ERCC2: variants seen among roughly 807,000 people sequenced by gnomAD.
The protein encoded by ERCC2 is general transcription and DNA repair factor IIH helicase subunit XPD.
In ERCC2, 90 loss-of-function variants were observed where a neutral mutation model predicts 99.4. The observed-to-expected ratio is 0.91, with a 90% CI of 0.76 to 1.08. The LOEUF (loss-of-function observed/expected upper bound fraction) is 1.08. ERCC2 is among the 50% of genes least tolerant of loss of function. The pLI is 0.00. For missense variants in ERCC2, 993 were observed against 1,038.1 expected (o/e 0.96, Z 0.60); for synonymous variants, 497 against 432.4 (o/e 1.15, Z -1.85).
chr19:45,370,278 C>A, intron 1 of ERCC2, 46 bp from the exon 2 acceptor site: 1 of 1,602,480 alleles, frequency 6.2e-7, no homozygotes, highest in South Asian at 1.1e-5. Flanking sequence ...CTCAGCCCCT[C>A]TCCCGCCTCC....
intron 5 of ERCC2, among the ~76,000 whole-genome samples, chr19:45,367,105 G>A (rs888021906): frequency 6.6e-6 from 1 of 152,138 alleles, no homozygotes; most frequent in Non-Finnish European, 1.5e-5. Flanking sequence ...TTGGGAGGCT[G>A]AGGCGGGAGG....
chr19:45,357,191 G>T, intron 15 of ERCC2, 79 bp downstream of exon 15: 1 of 1,023,194 alleles, frequency 9.8e-7, no homozygotes, highest in Non-Finnish European at 1.5e-6. Flanking sequence ...TGCCTGAGCA[G>T]TGGGGGAAGC....
chr19:45,350,741 C>G lies in ERCC2; in HGVS notation c.*888G>C, dbSNP rs746209909. 9 of 1,610,488 alleles carry G rather than the reference C, an allele frequency of 5.6e-6. No individual in the cohort carries two copies. The highest frequency in any genetic ancestry group is 7.6e-6 in the Non-Finnish European group (9 of 1,178,650). ...CTCCGAGGCGAGGCGGCGGCAGGAG[C>G]AGCCGGGTGAGTGTTGATCAGGTCG... On this transcript the variant is annotated 3_prime_UTR_variant, in exon 23 of 23. Coordinates refer to ENST00000391945, the MANE Select transcript of ERCC2 (RefSeq NM_000400.4).
At chr19:45,355,251 G>C (rs2123239909) in intron 16 of ERCC2, among the ~76,000 whole-genome samples, 1 of 152,360 alleles carries the variant, frequency 6.6e-6, no homozygotes, top group South Asian at 2.1e-4. Context: ...CAGCTACTCG[G>C]GAGGCTGAGG....
intron 12 of ERCC2, chr19:45,358,584 A>G: frequency 2.1e-6 from 1 of 469,542 alleles, no homozygotes; most frequent in South Asian, 2.3e-5. Context: ...CCTGACCTTC[A>G]AAAATCAGCA....
At position 45,350,236 on chromosome 19, in the gene ERCC2, A is replaced by C; in HGVS notation, c.*1393T>G. ...TAGGAGTTCAAGACCAGCCTGGGCA[A>C]CATACCAAGACCCCTGTCTCTACAA... On this transcript the variant is annotated 3_prime_UTR_variant, in exon 23 of 23. Coordinates refer to ENST00000391945, the MANE Select transcript of ERCC2 (RefSeq NM_000400.4). 2 of 812,704 alleles carry C rather than the reference A, an allele frequency of 2.5e-6. No homozygotes were observed. Among genetic ancestry groups the C allele is most frequent in the Non-Finnish European group, 3.9e-6 (2 of 511,236 alleles). 50.3% of individuals were successfully genotyped at this position (812,704 alleles called of 1,614,324 possible).
chr19:45,351,753 C>T (rs761700183), intron 22 of ERCC2, 32 bp from the exon 23 acceptor site: 2 of 1,601,990 alleles, frequency 1.2e-6, no homozygotes. Flanking sequence ...GAGAGGGGGG[C>T]ACTGTTGGGC....
Position 45,351,316 on chromosome 19 carries a change from C to G in ERCC2, c.*313G>C. The G allele has an allele frequency of 6.2e-7, 1 of 1,612,494 alleles. No individual in the cohort carries two copies. Among genetic ancestry groups the G allele is most frequent in the Non-Finnish European group, 8.5e-7 (1 of 1,180,002 alleles). ...CAGCTGGCACCTGGACAAGGCCCCT[C>G]GGACCCTCAGCGCCAGCACCCAGGA... On this transcript the variant is annotated 3_prime_UTR_variant, in exon 23 of 23. Transcript: ENST00000391945.
intron 12 of ERCC2, chr19:45,358,911 G>C (rs1306297885): frequency 2.6e-6 from 2 of 773,302 alleles, no homozygotes; most frequent in Admixed American, 1.8e-5. Flanking sequence ...GCTGAGCCTG[G>C]CCTGTTTGTT....
Position 45,364,316 on chromosome 19 carries a change from T to C in ERCC2, c.734A>G (p.Asp245Gly), listed in dbSNP as rs755766334. 1 of 1,613,522 alleles carries C rather than the reference T, an allele frequency of 6.2e-7. No individual in the cohort carries two copies. Among genetic ancestry groups the C allele is most frequent in the Non-Finnish European group, 8.5e-7 (1 of 1,179,854 alleles). The change falls in exon 9 of 23, where the codon GAC (aspartate) becomes GGC (glycine). Residue 245 changes from aspartate to glycine, a missense_variant. Transcript: ENST00000391945. The stretch of plus-strand genomic sequence containing the variant: ...GCGGGTGAGGTTGACGCTCATGGAG[T>C]CGATGCAGACGTTGTCTGGAGAAGG... ...EAHNIDNVCIDSMSVNLTRRT... is the reference protein window; with the variant it reads ...EAHNIDNVCIGSMSVNLTRRT...
At chr19:45,353,931 C>T (rs1393158120) in intron 17 of ERCC2, among the ~76,000 whole-genome samples, 5 of 152,220 alleles carry the variant, frequency 3.3e-5, no homozygotes, top group Admixed American at 2.6e-4. Flanking sequence ...TCTCTATGAC[C>T]TTGGGGTAGG....
intron 12 of ERCC2, chr19:45,358,881 G>C: frequency 1.3e-6 from 1 of 780,588 alleles, no homozygotes; most frequent in Non-Finnish European, 2.4e-6. Flanking sequence ...ATCTTTTTTG[G>C]TTCCTGCTGC....
In ERCC2 at chr19:45,361,666, C is replaced by G. The variant is rs112009566; in HGVS notation, c.1119-24G>C. ...ATCTGGCGGGGAGGAGAGACGGGGT[C>G]GGGGGGCAGACGGAAGCATGAGCAG... On this transcript the variant is annotated intron_variant, in intron 11 of 22. Coordinates refer to ENST00000391945, the MANE Select transcript of ERCC2 (RefSeq NM_000400.4). The G allele has an allele frequency of 3.8e-5, 59 of 1,547,856 alleles. 1 individual carries two copies. Among genetic ancestry groups the G allele is most frequent in the African/African-American group, 3.7e-4 (27 of 73,518 alleles).
intron 5 of ERCC2, 84 bp from the exon 6 acceptor site, chr19:45,365,242 G>A (rs1344155339): frequency 1.2e-5 from 13 of 1,063,984 alleles, no homozygotes; most frequent in Non-Finnish European, 1.9e-5. Context: ...CTCCCAGCTG[G>A]CTGGGGTTTT....
At chr19:45,358,422 C>T (rs1449258845) in intron 12 of ERCC2, 1 of 217,064 alleles carries the variant, frequency 4.6e-6, no homozygotes, top group Non-Finnish European at 9.3e-6. Flanking sequence ...CGGGGCCAGC[C>T]ACCATCACCT....
Position 45,350,330 on chromosome 19 carries a change from C to A in ERCC2, c.*1299G>T, listed in dbSNP as rs377002084. On this transcript the variant is annotated 3_prime_UTR_variant, in exon 23 of 23. Coordinates refer to ENST00000391945, the MANE Select transcript of ERCC2 (RefSeq NM_000400.4). ...GGTCCGAAAAGTTCCCAGACACTCCCTTCTCCGCAGGCCTCAGCCTACCTG... is the reference window on the plus strand; with the variant it reads ...GGTCCGAAAAGTTCCCAGACACTCCATTCTCCGCAGGCCTCAGCCTACCTG... The A allele has an allele frequency of 6.2e-7, 1 of 1,612,042 alleles. No homozygotes were observed. Among genetic ancestry groups the A allele is most frequent in the Non-Finnish European group, 8.5e-7 (1 of 1,179,364 alleles).
At position 45,363,756 on chromosome 19, in the gene ERCC2, G is replaced by A. The variant is rs974354644; in HGVS notation, c.1105C>T (p.Arg369Cys). 2.5e-5 allele frequency: 38 copies of A among 1,534,814 alleles called. No homozygotes were observed. The highest frequency in any genetic ancestry group is 4.2e-4 in the Middle Eastern group (2 of 4,784). ...SGLAQRVCIQ[R>C]KPLRFCAERL... Reference sequence around the variant, plus strand: ...CTGGGGCCGCACCTGAGGGGCTTGCGCTGGATGCACACGCGCTGGGCCAGG... The same window carrying A: ...CTGGGGCCGCACCTGAGGGGCTTGCACTGGATGCACACGCGCTGGGCCAGG... The change falls in exon 11 of 23, where the codon CGC becomes TGC. Residue 369 changes from arginine to cysteine, a missense_variant. Physicochemically the swap from Arg to Cys is radical, Grantham distance 180. Around this residue, in one of 3 missense-constraint regions of ERCC2, gnomAD observed 909 missense variants for 930.8 expected, o/e 0.98. Transcript: ENST00000391945.
Position 45,364,332 on chromosome 19 carries a change from C to T in ERCC2, c.719-1G>A, listed in dbSNP as rs1296249274. The T allele has an allele frequency of 6.2e-7, 1 of 1,613,984 alleles. No individual in the cohort carries two copies. Among genetic ancestry groups the T allele is most frequent in the South Asian group, 1.1e-5 (1 of 91,084 alleles). On this transcript the variant is annotated splice_acceptor_variant, in intron 8 of 22. Coordinates refer to ENST00000391945, the MANE Select transcript of ERCC2 (RefSeq NM_000400.4). LOFTEE classifies it high-confidence loss of function. ...CTCATGGAGTCGATGCAGACGTTGT[C>T]TGGAGAAGGGGGAGAGAGCCGGCTC...
At chr19:45,367,900 C>CT (rs762407391) in intron 5 of ERCC2, among the ~76,000 whole-genome samples, 487 of 134,220 alleles carry the variant, frequency 3.6e-3, no homozygotes, top group East Asian at 0.027. Flanking sequence ...ATGACAATTT[C>CT]TTTTTTTTTT....
Sources: allele counts gnomAD v4.1 joint callset (sites outside exome capture counted in the v4.1 genomes callset), GRCh38; gene constraint gnomAD v4.1.1; regional missense constraint gnomAD v4.1.1; transcripts MANE v1.5; gene names NCBI Gene and HGNC (gene_info 2026-07-23, HGNC 2026-07-21).